Variants in TRDN observed in about 807,000 individuals in gnomAD.
The protein encoded by TRDN is triadin.
Under a neutral mutation model 149.7 loss-of-function variants are expected in TRDN, and 161 were observed. The observed-to-expected ratio is 1.08, with a 90% confidence interval of 0.95 to 1.23. The LOEUF (loss-of-function observed/expected upper bound fraction) is 1.23. Among genes scored for constraint, TRDN ranks in the 50% most tolerant of loss-of-function variants. TRDN has a pLI of 0.00. For missense variants in TRDN, 896 were observed against 823.5 expected, an observed-to-expected ratio of 1.09 and a Z score of -1.08; for synonymous variants, 294 against 250.5, an observed-to-expected ratio of 1.17 and a Z score of -1.64.
At chr6:123,359,200 G>A (rs1780803795) in intron 20 of TRDN, among the ~76,000 whole-genome samples, 1 of 152,272 alleles carries the variant, frequency 6.6e-6, no homozygotes, top group African/African-American at 2.4e-5. Flanking sequence ...TACTTAATCT[G>A]TTCACAAGGC....
chr6:123,366,208 G>A (rs1165350196), intron 19 of TRDN, 26 bp from the exon 20 acceptor site: 3 of 1,608,162 alleles, frequency 1.9e-6, no homozygotes, highest in Admixed American at 1.7e-5. Flanking sequence ...TTAAAGGAAT[G>A]AGAAGTGGAT....
At chr6:123,304,455 T>C (rs1375148649) in intron 24 of TRDN, among the ~76,000 whole-genome samples, 5 of 151,962 alleles carry the variant, frequency 3.3e-5, no homozygotes, top group South Asian at 2.1e-4. Context: ...AGTTTCACCA[T>C]GTTGGCCAGG....
At chr6:123,550,543 T>C (rs531352688) in intron 2 of TRDN, among the ~76,000 whole-genome samples, 6 of 152,000 alleles carry the variant, frequency 3.9e-5, no homozygotes, top group Admixed American at 1.3e-4. Flanking sequence ...TGAGTATATT[T>C]TTATGCATAT....
At chr6:123,358,451 T>A (rs1332852154) in intron 20 of TRDN, among the ~76,000 whole-genome samples, 1 of 152,064 alleles carries the variant, frequency 6.6e-6, no homozygotes, top group Non-Finnish European at 1.5e-5. Context: ...GTATGCCCTT[T>A]ATTAGCAGTA....
intron 23 of TRDN, among the ~76,000 whole-genome samples, chr6:123,318,500 C>T (rs1482150853): frequency 6.6e-6 from 1 of 152,018 alleles, no homozygotes; most frequent in Non-Finnish European, 1.5e-5. Flanking sequence ...CGGGTCATAT[C>T]CCAAGGTCTG....
intron 1 of TRDN, among the ~76,000 whole-genome samples, chr6:123,595,905 A>G (rs146041865): frequency 6.4e-4 from 98 of 152,168 alleles, no homozygotes; most frequent in Non-Finnish European, 1.2e-3. Context: ...CTGAGACACA[A>G]TCAAAATTAG....
intron 2 of TRDN, among the ~76,000 whole-genome samples, chr6:123,552,024 G>GA (rs143595871): frequency 0.032 from 4,867 of 150,336 alleles, 107 homozygotes; most frequent in African/African-American, 0.067. Context: ...ATTAAAACTG[G>GA]AAAAAAAAAT....
intron 38 of TRDN, among the ~76,000 whole-genome samples, chr6:123,249,190 T>C (rs549667148): frequency 1.3e-5 from 2 of 152,070 alleles, no homozygotes; most frequent in African/African-American, 2.4e-5. Context: ...TATGAAAACA[T>C]GCTGAGCATT....
chr6:123,561,331 C>A (rs1295167327), intron 2 of TRDN, among the ~76,000 whole-genome samples: 1 of 152,176 alleles, frequency 6.6e-6, no homozygotes, highest in African/African-American at 2.4e-5. Context: ...TAAAAACACA[C>A]CTCACCAAGC....
At chr6:123,365,442 T>C (rs1470682558) in intron 20 of TRDN, among the ~76,000 whole-genome samples, 1 of 152,184 alleles carries the variant, frequency 6.6e-6, no homozygotes, top group Admixed American at 6.5e-5. Context: ...ATATGTGTCA[T>C]ATATATTTTC....
chr6:123,360,103 C>T (rs1780841669), intron 20 of TRDN, among the ~76,000 whole-genome samples: 1 of 152,102 alleles, frequency 6.6e-6, no homozygotes, highest in South Asian at 2.1e-4. Context: ...TGGTGGTTTG[C>T]TGTACCTTAT....
chr6:123,436,774 C>T (rs929919046), intron 12 of TRDN, among the ~76,000 whole-genome samples: 2 of 152,062 alleles, frequency 1.3e-5, no homozygotes, highest in Admixed American at 6.6e-5. Flanking sequence ...TTTTAGCTTA[C>T]TATTACACAG....
chr6:123,437,286 C>A, intron 12 of TRDN: 1 of 263,884 alleles, frequency 3.8e-6, no homozygotes, highest in Admixed American at 4.5e-5. Flanking sequence ...TTCTGACCTT[C>A]AGCAGCTCCT....
chr6:123,365,498 C>A (rs1021210650), intron 20 of TRDN, among the ~76,000 whole-genome samples: 1 of 151,920 alleles, frequency 6.6e-6, no homozygotes, highest in African/African-American at 2.4e-5. Context: ...AAAGCATGTG[C>A]AATAAATTAG....
chr6:123,225,940 G>T (rs1285422194), intron 38 of TRDN, among the ~76,000 whole-genome samples: 1 of 151,822 alleles, frequency 6.6e-6, no homozygotes, highest in African/African-American at 2.4e-5. Flanking sequence ...TATTTATTTA[G>T]ATTTTGCATA....
chr6:123,346,593 T>C (rs995629433), intron 21 of TRDN, among the ~76,000 whole-genome samples: 1 of 152,070 alleles, frequency 6.6e-6, no homozygotes, highest in Admixed American at 6.6e-5. Flanking sequence ...GTGTTGTGCT[T>C]ACCAGAATGA....
intron 1 of TRDN, among the ~76,000 whole-genome samples, chr6:123,578,681 T>A (rs1782976043): frequency 6.6e-6 from 1 of 152,208 alleles, no homozygotes; most frequent in Non-Finnish European, 1.5e-5. Context: ...ATTCTTCTAG[T>A]TCTGTGAAGA....
intron 1 of TRDN, among the ~76,000 whole-genome samples, chr6:123,635,901 TATATATATGAA>T (rs1315353162): frequency 6.6e-6 from 1 of 151,794 alleles, no homozygotes; most frequent in Non-Finnish European, 1.5e-5. Context: ...AATACGTACA[TATATATATGAA>T]GTATATATGA....
intron 12 of TRDN, among the ~76,000 whole-genome samples, chr6:123,400,190 A>ATATATATATATATATATAT (rs1562295327): frequency 1.7e-4 from 8 of 46,534 alleles, no homozygotes; most frequent in African/African-American, 5.1e-4. Flanking sequence ...TATATATATA[A>ATATATATATATATATATAT]ACACACACAT....
Sources: allele counts gnomAD v4.1 joint callset (sites outside exome capture counted in the v4.1 genomes callset), GRCh38; gene constraint gnomAD v4.1.1; transcripts MANE v1.5; gene names NCBI Gene and HGNC (gene_info 2026-07-23, HGNC 2026-07-21).